Variants in MYBPC3 observed in about 807,000 individuals in gnomAD.
The protein encoded by MYBPC3 is myosin-binding protein C, cardiac-type.
In MYBPC3, 108 loss-of-function variants were observed where a neutral mutation model predicts 159.3. The ratio of observed to expected loss-of-function variants is 0.68; its 90% CI spans 0.58 to 0.80. The LOEUF is 0.80. Among genes scored for constraint, MYBPC3 ranks in the 30% least tolerant of loss-of-function variants. The pLI is 0.00. For missense variants in MYBPC3, 1,631 were observed against 1,762.1 expected (o/e 0.93, Z 1.33); for synonymous variants, 730 against 702.0 (o/e 1.04, Z -0.63).
At chr11:47,343,187 AC>A (rs1565628300) in intron 14 of MYBPC3, 42 bp from the exon 15 acceptor site, 1 of 1,597,636 alleles carries the variant, frequency 6.3e-7, no homozygotes, top group Non-Finnish European at 8.5e-7. Flanking sequence ...AGCTGCGGAC[AC>A]CCCTCCGGGC....
rs776834755 is a variant in MYBPC3, at chr11:47,351,449, C to T, written c.82G>A (p.Val28Met). The T allele has an allele frequency of 8.8e-5, 141 of 1,603,074 alleles. 3 individuals carry two copies. In the South Asian group the frequency reaches 1.3e-3, roughly 15 times the overall value. The change falls in exon 2 of 35, where the codon GTG (valine) becomes ATG (methionine). Residue 28 changes from valine to methionine, a missense_variant. Coordinates refer to ENST00000545968, the MANE Select transcript of MYBPC3 (RefSeq NM_000256.3). The surrounding 1 kb of genome is among the most constrained non-coding windows in gnomAD (Gnocchi z 4.2). ...GCCCGCTCTGTCTCGGCCTCGAACA[C>T]GGCAGGGCTGCCTGCGGCCACTTCC... ...SVEVAAGSPA[V>M]FEAETERAGV...
At chr11:47,349,745 C>T (rs1219995812) in intron 5 of MYBPC3, 29 bp downstream of exon 5, 2 of 1,596,676 alleles carry the variant, frequency 1.3e-6, no homozygotes, top group South Asian at 2.2e-5. Flanking sequence ...TCCCCTCTCT[C>T]CGTGTCTCCA....
chr11:47,341,664 G>A (rs2697923), intron 18 of MYBPC3, among the ~76,000 whole-genome samples: 1 of 152,060 alleles, frequency 6.6e-6, no homozygotes, highest in Non-Finnish European at 1.5e-5. Context: ...GCTGGGGAGC[G>A]CTCGACCCCG....
intron 26 of MYBPC3, 79 bp downstream of exon 26, chr11:47,335,798 G>C (rs2095881605): frequency 7.8e-7 from 1 of 1,283,300 alleles, no homozygotes; most frequent in Non-Finnish European, 1.0e-6. Flanking sequence ...TAAAAAACTT[G>C]ACTACAGGTG....
intron 27 of MYBPC3, 36 bp downstream of exon 27, chr11:47,335,006 A>G (rs1296168359): frequency 6.9e-7 from 1 of 1,444,916 alleles, no homozygotes; most frequent in African/African-American, 1.4e-5. Context: ...TGGGGTGTCA[A>G]TGGCGGGTCT....
intron 12 of MYBPC3, 82 bp from the exon 13 acceptor site, chr11:47,343,706 G>A (rs1376706271): frequency 2.1e-6 from 3 of 1,422,722 alleles, no homozygotes; most frequent in Non-Finnish European, 2.8e-6. Context: ...TGTGGCTGGG[G>A]CCCAGGTCCC....
rs772327857 is a variant in MYBPC3, at chr11:47,335,063, C to G, written c.2884G>C (p.Val962Leu). 5 of 1,576,852 alleles carry G rather than the reference C, an allele frequency of 3.2e-6. No homozygotes were observed. The South Asian group carries it at 5.8e-5, about 18-fold the overall frequency. Reference sequence around the variant, plus strand: ...TCACGCAGGATCTCCTGCACTGTCACCGGCTCCGTGGTGGTAACAGGGGCT... The same window carrying G: ...TCACGCAGGATCTCCTGCACTGTCAGCGGCTCCGTGGTGGTAACAGGGGCT... ...PGAPVTTTEP[V>L]TVQEILQRPR... Residue 962 changes from valine (V) to leucine (L), a missense_variant, in exon 27 of 35, where the codon GTG (valine) becomes CTG (leucine). Transcript: ENST00000545968.
chr11:47,337,397 G>T lies in MYBPC3; in HGVS notation c.2596C>A (p.Pro866Thr), dbSNP rs1283850206. 6.3e-7 allele frequency: 1 copy of T among 1,590,528 alleles called. No individual in the cohort carries two copies. Among genetic ancestry groups the T allele is most frequent in the African/African-American group, 1.3e-5 (1 of 74,806 alleles). Residue 866 changes from proline (P) to threonine (T), a missense_variant, in exon 25 of 35, where the codon CCT becomes ACT. Pro to Thr is a conservative substitution (Grantham distance 38). Transcript: ENST00000545968. ...RPSPASQPFMPIGPPSEPTHL... is the reference protein window; with the variant it reads ...RPSPASQPFMTIGPPSEPTHL... ...CCAGGCCAGGCAGGCTCACCGATAG[G>T]CATGAAGGGCTGGGAGGCAGGGCTG...
At position 47,337,405 on chromosome 11, in the gene MYBPC3, G is replaced by C; in HGVS notation, c.2588C>G (p.Pro863Arg). 6.3e-7 allele frequency: 1 copy of C among 1,595,924 alleles called. No individual in the cohort carries two copies. Among genetic ancestry groups the C allele is most frequent in the Non-Finnish European group, 8.5e-7 (1 of 1,170,264 alleles). ...GGCAGGCTCACCGATAGGCATGAAG[G>C]GCTGGGAGGCAGGGCTGGGCCTGGA... Reference protein sequence around the residue: ...GMSRPSPASQPFMPIGPPSEP... With the variant: ...GMSRPSPASQRFMPIGPPSEP... Residue 863 changes from proline to arginine, a missense_variant, in exon 25 of 35, where the codon CCC (proline) becomes CGC (arginine). By Grantham distance (103) the Pro-to-Arg change is moderately radical. Coordinates refer to ENST00000545968, the MANE Select transcript of MYBPC3 (RefSeq NM_000256.3).
chr11:47,340,918 T>C, intron 20 of MYBPC3, 85 bp downstream of exon 20: 1 of 1,399,028 alleles, frequency 7.1e-7, no homozygotes, highest in South Asian at 1.6e-5. Flanking sequence ...ATCCTTGCTC[T>C]TCCCTCTGTG....
At chr11:47,334,521 C>T (rs1264731430) in intron 27 of MYBPC3, among the ~76,000 whole-genome samples, 5 of 152,008 alleles carry the variant, frequency 3.3e-5, no homozygotes, top group African/African-American at 1.2e-4. Context: ...TTTCCCTGTT[C>T]CAGAACTAAG....
At chr11:47,337,299 G>A (rs2095883199) in intron 25 of MYBPC3, 92 bp downstream of exon 25, 3 of 1,347,812 alleles carry the variant, frequency 2.2e-6, no homozygotes, top group Middle Eastern at 2.5e-4. Context: ...GGATGTGAGT[G>A]TCTAGCATGG....
chr11:47,339,614 C>T, intron 21 of MYBPC3, 37 bp downstream of exon 21: 5 of 1,536,600 alleles, frequency 3.3e-6, no homozygotes, highest in Non-Finnish European at 4.4e-6. Flanking sequence ...ACACACCCAT[C>T]TTATAGATGG....
At position 47,338,650 on chromosome 11, in the gene MYBPC3, G is replaced by A. The variant is rs370676057; in HGVS notation, c.2178C>T (p.Arg726=). Residue 726 remains arginine (R), a synonymous_variant, in exon 23 of 35, where the codon CGC becomes CGT. Coordinates refer to ENST00000545968, the MANE Select transcript of MYBPC3 (RefSeq NM_000256.3). This position sits in a 1 kb window ranked among gnomAD's most constrained non-coding sequence, Gnocchi z 4.7. ...TGCTGCGGTCCTTGGTGGTCTCCAC[G>A]CGGACCCGGCCCTCGGTCTCACACA... ...KLLCETEGRV[R]VETTKDRSIF... 2.8e-5 allele frequency: 45 copies of A among 1,613,482 alleles called. No individual in the cohort carries two copies. The highest frequency in any genetic ancestry group is 2.8e-5 in the Non-Finnish European group (33 of 1,179,774).
Position 47,347,012 on chromosome 11 carries a change from G to A in MYBPC3, c.908+15C>T. On this transcript the variant is annotated intron_variant, in intron 10 of 34. Coordinates refer to ENST00000545968, the MANE Select transcript of MYBPC3 (RefSeq NM_000256.3). ...GCGCCCTGCCGCCCCCAAACACCCAGACCCCGATTCTTACTCTCTGGGCCA... is the reference window on the plus strand; with the variant it reads ...GCGCCCTGCCGCCCCCAAACACCCAAACCCCGATTCTTACTCTCTGGGCCA... 1.3e-6 allele frequency: 1 copy of A among 785,670 alleles called. No homozygotes were observed. The highest frequency in any genetic ancestry group is 2.3e-6 in the Non-Finnish European group (1 of 435,894). The allele number at this position is 785,670 out of a possible 1,614,324, so 48.7% of individuals were successfully genotyped here.
intron 14 of MYBPC3, 54 bp from the exon 15 acceptor site, chr11:47,343,199 C>T (rs2095890892): frequency 1.9e-6 from 3 of 1,589,072 alleles, no homozygotes; most frequent in South Asian, 2.3e-5. Context: ...CCCTCCGGGC[C>T]CAGTGCGCCC....
At position 47,332,354 on chromosome 11, in the gene MYBPC3, G is replaced by A; in HGVS notation, c.3628-96C>T. ...ACACATCTGTGTTTCTACTCGGGGG[G>A]TCCCACGAGAGTCCCTGACTATGCC... On this transcript the variant is annotated intron_variant, in intron 32 of 34. Transcript: ENST00000545968. This position sits in a 1 kb window ranked among gnomAD's most constrained non-coding sequence, Gnocchi z 4.2. 1.4e-6 allele frequency: 2 copies of A among 1,475,910 alleles called. No individual in the cohort carries two copies. Among genetic ancestry groups the A allele is most frequent in the Non-Finnish European group, 1.9e-6 (2 of 1,062,952 alleles). The allele number at this position is 1,475,910 out of a possible 1,614,324, so 91.4% of individuals were successfully genotyped here.
intron 18 of MYBPC3, 21 bp downstream of exon 18, chr11:47,341,970 C>T: frequency 2.6e-6 from 4 of 1,552,948 alleles, no homozygotes; most frequent in Non-Finnish European, 3.5e-6. Context: ...CCTGTCCCAT[C>T]CACCTGCCCT....
At position 47,350,118 on chromosome 11, in the gene MYBPC3, A is replaced by G. The variant is rs1165910610; in HGVS notation, c.407-6T>C. 6.4e-7 allele frequency: 1 copy of G among 1,551,960 alleles called. No homozygotes were observed. On this transcript the variant is annotated splice_polypyrimidine_tract_variant and splice_region_variant and intron_variant, in intron 3 of 34. Transcript: ENST00000545968. ...GAGAGCTGCTGAGCTTGACCCTGTG[A>G]GCAAAGGCTTTTTCTGTTTGTTTGA...
Sources: allele counts gnomAD v4.1 joint callset (sites outside exome capture counted in the v4.1 genomes callset), GRCh38; gene constraint gnomAD v4.1.1; non-coding constraint Gnocchi (gnomAD v3.1); transcripts MANE v1.5; gene names NCBI Gene and HGNC (gene_info 2026-07-23, HGNC 2026-07-21).